The following TAFA2 variants were observed in gnomAD, a reference collection of about 807,000 sequenced individuals.
TAFA2 encodes chemokine-like protein TAFA-2.
A neutral mutation model predicts 18.8 loss-of-function variants in TAFA2; 7 were observed. The observed-to-expected ratio is 0.37, with a 90% CI of 0.21 to 0.70. The LOEUF (loss-of-function observed/expected upper bound fraction) is 0.70. TAFA2 is among the 30% of genes least tolerant of loss of function. The pLI is 0.53. For missense variants in TAFA2, 122 were observed against 158.1 expected, an observed-to-expected ratio of 0.77 and a Z score of 1.23; for synonymous variants, 60 against 54.2, an observed-to-expected ratio of 1.11 and a Z score of -0.47.
intron 2 of TAFA2, among the ~76,000 whole-genome samples, chr12:61,862,229 C>T (rs1874159812): frequency 6.6e-6 from 1 of 152,206 alleles, no homozygotes; most frequent in Admixed American, 6.5e-5. Context: ...AATGTAATTG[C>T]TTCCAAGGGG....
chr12:62,202,806 T>G (rs2062676727), intron 1 of TAFA2, among the ~76,000 whole-genome samples: 1 of 149,728 alleles, frequency 6.7e-6, no homozygotes, highest in Non-Finnish European at 1.5e-5. Flanking sequence ...TCAATTTACA[T>G]GTAGCTGTGT....
intron 1 of TAFA2, among the ~76,000 whole-genome samples, chr12:62,005,630 T>C (rs1235165306): frequency 1.3e-5 from 2 of 152,112 alleles, no homozygotes; most frequent in African/African-American, 2.4e-5. Flanking sequence ...AACTATTCAT[T>C]CTGAGAGCAG....
chr12:62,047,063 A>G (rs1881928552), intron 1 of TAFA2, among the ~76,000 whole-genome samples: 1 of 152,076 alleles, frequency 6.6e-6, no homozygotes, highest in Admixed American at 6.6e-5. Flanking sequence ...ATCATCTTAA[A>G]ACAAGGAAAG....
intron 4 of TAFA2, among the ~76,000 whole-genome samples, chr12:61,726,778 A>C (rs570177474): frequency 6.6e-6 from 1 of 152,104 alleles, no homozygotes; most frequent in African/African-American, 2.4e-5. Context: ...AAAAGTGGTG[A>C]AAGTGGACAT....
intron 1 of TAFA2, chr12:62,234,933 A>G (rs2062829688): frequency 1.3e-6 from 1 of 791,916 alleles, no homozygotes; most frequent in Admixed American, 1.8e-5. Flanking sequence ...CGGAGGGGGC[A>G]TAGCCTGGGC....
chr12:62,070,062 A>G (rs1882589236), intron 1 of TAFA2, among the ~76,000 whole-genome samples: 1 of 152,188 alleles, frequency 6.6e-6, no homozygotes, highest in Non-Finnish European at 1.5e-5. Flanking sequence ...GCAAGAAACT[A>G]GAGGAAATTC....
At chr12:61,960,657 T>A (rs544005465) in intron 1 of TAFA2, among the ~76,000 whole-genome samples, 1 of 151,886 alleles carries the variant, frequency 6.6e-6, no homozygotes, top group Non-Finnish European at 1.5e-5. Flanking sequence ...CATTGCATCC[T>A]CCAATTATAA....
intron 1 of TAFA2, among the ~76,000 whole-genome samples, chr12:61,981,501 C>T (rs1879634910): frequency 6.6e-6 from 1 of 152,160 alleles, no homozygotes; most frequent in Non-Finnish European, 1.5e-5. Flanking sequence ...GCAAAAGAAA[C>T]TACCATCACA....
intron 1 of TAFA2, among the ~76,000 whole-genome samples, chr12:62,012,786 C>A (rs185070382): frequency 6.6e-6 from 1 of 152,070 alleles, no homozygotes; most frequent in South Asian, 2.1e-4. Context: ...AAATAACACA[C>A]TCAGAAGAAA....
In TAFA2 at chr12:62,005,216, C is replaced by A. The variant is rs185049677; in HGVS notation, c.-1-137790G>T. Among the ~76,000 whole-genome samples, 3 of 152,076 alleles carry A rather than the reference C, an allele frequency of 2.0e-5. No individual in the cohort carries two copies. The East Asian group carries it at 5.8e-4, about 29-fold the overall frequency. On this transcript the variant is annotated intron_variant, in intron 1 of 4. Coordinates refer to ENST00000416284, the MANE Select transcript of TAFA2 (RefSeq NM_178539.5). ...AAAGAAAGATAACTATGTGAGGTGA[C>A]GGCAGTGTTTATTTGCTTGACTGTA...
At chr12:61,930,886 C>A (rs1177296557) in intron 1 of TAFA2, among the ~76,000 whole-genome samples, 1 of 152,162 alleles carries the variant, frequency 6.6e-6, no homozygotes, top group Non-Finnish European at 1.5e-5. Flanking sequence ...CCTTTGATAG[C>A]CTTGATGTTA....
chr12:62,033,737 G>A (rs566853687), intron 1 of TAFA2, among the ~76,000 whole-genome samples: 7 of 151,806 alleles, frequency 4.6e-5, no homozygotes, highest in Non-Finnish European at 7.4e-5. Flanking sequence ...TCATATATGA[G>A]TGTTCAGCCT....
intron 1 of TAFA2, among the ~76,000 whole-genome samples, chr12:62,131,793 A>G (rs1331679201): frequency 6.6e-6 from 1 of 152,034 alleles, no homozygotes; most frequent in African/African-American, 2.4e-5. Context: ...AGTCTGAGTT[A>G]GTATATCACT....
At chr12:61,822,623 A>AT (rs1466816909) in intron 2 of TAFA2, among the ~76,000 whole-genome samples, 1 of 152,000 alleles carries the variant, frequency 6.6e-6, no homozygotes, top group Non-Finnish European at 1.5e-5. Flanking sequence ...CACAGGAATT[A>AT]TTTTTTTCCC....
intron 2 of TAFA2, among the ~76,000 whole-genome samples, chr12:61,780,597 T>G (rs1161497536): frequency 6.6e-6 from 1 of 151,472 alleles, no homozygotes; most frequent in Non-Finnish European, 1.5e-5. Context: ...CCCTTTGACA[T>G]TTAATCAAGA....
intron 1 of TAFA2, among the ~76,000 whole-genome samples, chr12:62,139,366 C>A (rs566170475): frequency 2.1e-4 from 32 of 152,242 alleles, no homozygotes; most frequent in African/African-American, 7.5e-4. Flanking sequence ...TCCCCATTTA[C>A]GGATTGTCAT....
chr12:62,178,410 C>T (rs1290539823), intron 1 of TAFA2, among the ~76,000 whole-genome samples: 1 of 152,130 alleles, frequency 6.6e-6, no homozygotes, highest in Non-Finnish European at 1.5e-5. Flanking sequence ...GCTATTATAG[C>T]AGACATAAAC....
chr12:62,051,725 G>A (rs956185558), intron 1 of TAFA2, among the ~76,000 whole-genome samples: 4 of 151,752 alleles, frequency 2.6e-5, no homozygotes, highest in African/African-American at 9.7e-5. Context: ...GGTGACAGGT[G>A]TGCATAGTGC....
At chr12:61,910,015 A>T (rs560293998) in intron 1 of TAFA2, among the ~76,000 whole-genome samples, 12 of 152,214 alleles carry the variant, frequency 7.9e-5, no homozygotes, top group African/African-American at 2.9e-4. Flanking sequence ...ATTCAACTGT[A>T]TATGTAACTT....
Sources: allele counts gnomAD v4.1 joint callset (sites outside exome capture counted in the v4.1 genomes callset), GRCh38; gene constraint gnomAD v4.1.1; transcripts MANE v1.5; gene names NCBI Gene and HGNC (gene_info 2026-07-23, HGNC 2026-07-21).